SRGN: variants seen among roughly 807,000 people sequenced by gnomAD.
SRGN encodes the protein hematopoetic proteoglycan core peptide.
Under a neutral mutation model 9.5 loss-of-function variants are expected in SRGN, and 2 were observed. The observed-to-expected ratio is 0.21, with a 90% CI of 0.09 to 0.66. The LOEUF is 0.66. Ranked by LOEUF, SRGN falls within the 30% of genes least tolerant of loss-of-function variation. The probability of loss-of-function intolerance (pLI) is 0.83; values close to 1 mark genes in which losing one functional copy is unlikely to be tolerated. For missense variants in SRGN, 170 were observed against 192.4 expected, an observed-to-expected ratio of 0.88 and a Z score of 0.69; for synonymous variants, 59 against 72.3, an observed-to-expected ratio of 0.82 and a Z score of 0.93.
intron 2 of SRGN, among the ~76,000 whole-genome samples, chr10:69,100,171 G>A (rs921794409): frequency 2.0e-5 from 3 of 152,182 alleles, no homozygotes; most frequent in Admixed American, 1.3e-4. Flanking sequence ...AGACCTGCCT[G>A]GGTAACATGG....
chr10:69,088,291 A>T, intron 1 of SRGN, 55 bp downstream of exon 1: 1 of 1,402,908 alleles, frequency 7.1e-7, no homozygotes, highest in South Asian at 1.2e-5. Context: ...CCTGTGGTCC[A>T]TGCAAGTCAT....
At chr10:69,096,994 G>A (rs916627496) in intron 1 of SRGN, 90 bp from the exon 2 acceptor site, 5 of 1,343,794 alleles carry the variant, frequency 3.7e-6, no homozygotes, top group East Asian at 2.6e-5. Flanking sequence ...ACCCTGTCTC[G>A]AAAAAAAAAT....
Position 69,088,128 on chromosome 10 carries a change from T to C in SRGN, c.-30T>C, listed in dbSNP as rs760781266. The C allele has an allele frequency of 1.2e-6, 2 of 1,603,014 alleles. No homozygotes were observed. Among genetic ancestry groups the C allele is most frequent in the Admixed American group, 3.3e-5 (2 of 59,950 alleles). ...ACATTTCCTAATCAAGAAGTTGGCG[T>C]GCAGCTGGGAGAGCTAGACTAAGTT... On this transcript the variant is annotated 5_prime_UTR_variant, in exon 1 of 3. Transcript: ENST00000242465.
chr10:69,097,471 G>T (rs1840200662), intron 2 of SRGN, among the ~76,000 whole-genome samples: 1 of 135,430 alleles, frequency 7.4e-6, no homozygotes, highest in Admixed American at 8.5e-5. Context: ...CTGTCGCTCA[G>T]GCTGGAGTGC....
intron 1 of SRGN, among the ~76,000 whole-genome samples, chr10:69,096,537 T>A (rs1315925582): frequency 6.6e-6 from 1 of 152,224 alleles, no homozygotes; most frequent in Non-Finnish European, 1.5e-5. Flanking sequence ...CTATTCTAAC[T>A]TTAAACTGCT....
At chr10:69,088,507 A>G (rs141931146) in intron 1 of SRGN, among the ~76,000 whole-genome samples, 2 of 152,314 alleles carry the variant, frequency 1.3e-5, no homozygotes, top group African/African-American at 4.8e-5. Context: ...TATAAATTTT[A>G]AAAGCTCAAA....
chr10:69,102,560 A>G (rs1564663139), intron 2 of SRGN, among the ~76,000 whole-genome samples: 3 of 152,186 alleles, frequency 2.0e-5, no homozygotes, highest in Non-Finnish European at 4.4e-5. Context: ...TATTATTTTC[A>G]TGGAGGAAAT....
rs1007571054 is a variant in SRGN, at chr10:69,088,256, T to C, written c.79+20T>C. 1 of 1,599,626 alleles carries C rather than the reference T, an allele frequency of 6.3e-7. No homozygotes were observed. The highest frequency in any genetic ancestry group is 1.1e-5 in the South Asian group (1 of 90,772). On this transcript the variant is annotated intron_variant, in intron 1 of 2. Coordinates refer to ENST00000242465, the MANE Select transcript of SRGN (RefSeq NM_002727.4). ...TTCAAGGTAAGACTCAGGAGTCTTG[T>C]TCCCCAGCCATCTTCTCTGTAAGCC... is the stretch of plus-strand genomic sequence containing the variant.
At chr10:69,090,036 A>G (rs575965421) in intron 1 of SRGN, among the ~76,000 whole-genome samples, 1 of 152,336 alleles carries the variant, frequency 6.6e-6, no homozygotes, top group East Asian at 1.9e-4. Flanking sequence ...AAAGGAAACC[A>G]TAGAAAGAGA....
At chr10:69,094,406 A>G (rs1345963844) in intron 1 of SRGN, among the ~76,000 whole-genome samples, 1 of 152,178 alleles carries the variant, frequency 6.6e-6, no homozygotes, top group East Asian at 1.9e-4. Flanking sequence ...ATGTTTTTAG[A>G]GGAATATTGT....
At chr10:69,099,882 G>A (rs1321131989) in intron 2 of SRGN, among the ~76,000 whole-genome samples, 2 of 152,110 alleles carry the variant, frequency 1.3e-5, no homozygotes, top group African/African-American at 4.8e-5. Context: ...AGAATCACTT[G>A]AGGCCAAGAA....
rs775271280 is a variant in SRGN, at chr10:69,097,244, T to C, written c.227+13T>C. ...CTGACCTTTTTCCGTAAGTGGACTT[T>C]TCTCTAATTAATTAATTAATTACTT... On this transcript the variant is annotated intron_variant, in intron 2 of 2. Transcript: ENST00000242465. 4 of 1,598,526 alleles carry C rather than the reference T, an allele frequency of 2.5e-6. No homozygotes were observed. The highest frequency in any genetic ancestry group is 4.5e-5 in the East Asian group (2 of 44,736).
chr10:69,103,805 T>A, intron 2 of SRGN, 66 bp from the exon 3 acceptor site: 1 of 1,537,498 alleles, frequency 6.5e-7, no homozygotes, highest in Non-Finnish European at 8.8e-7. Flanking sequence ...AAAAAAACTA[T>A]TATAATTATC....
At chr10:69,103,790 A>C in intron 2 of SRGN, 81 bp from the exon 3 acceptor site, 1 of 1,450,122 alleles carries the variant, frequency 6.9e-7, no homozygotes, top group South Asian at 1.3e-5. Flanking sequence ...TTATCTCCTT[A>C]TATTAAAAAA....
At chr10:69,099,757 CA>C (rs1840252936) in intron 2 of SRGN, among the ~76,000 whole-genome samples, 1 of 152,186 alleles carries the variant, frequency 6.6e-6, no homozygotes, top group African/African-American at 2.4e-5. Context: ...TGTAATATTA[CA>C]GCATCCTTCA....
chr10:69,089,184 A>G (rs1589324553), intron 1 of SRGN, among the ~76,000 whole-genome samples: 1 of 152,376 alleles, frequency 6.6e-6, no homozygotes, highest in East Asian at 1.9e-4. Context: ...ATGAAATCTT[A>G]CAGATGATCG....
rs750463990 is a variant in SRGN at position 69,104,020 on chromosome 10, G to C, written c.377G>C (p.Ser126Thr). 1 of 1,614,224 alleles carries C rather than the reference G, an allele frequency of 6.2e-7. No individual in the cohort carries two copies. The highest frequency in any genetic ancestry group is 2.2e-5 in the East Asian group (1 of 44,884). The change falls in exon 3 of 3, where the codon AGT (serine) becomes ACT (threonine). Residue 126 changes from serine to threonine, a missense_variant. Coordinates refer to ENST00000242465, the MANE Select transcript of SRGN (RefSeq NM_002727.4). Reference sequence around the variant, plus strand: ...CAGGATTACCAACTAGTAGACGAAAGTGATGCTTTCCATGACAACCTTAGG... The same window carrying C: ...CAGGATTACCAACTAGTAGACGAAACTGATGCTTTCCATGACAACCTTAGG... ...MEQDYQLVDE[S>T]DAFHDNLRSL...
At chr10:69,088,028 G>A, upstream of SRGN, 1 of 703,020 alleles carries the variant, frequency 1.4e-6, no homozygotes, top group Non-Finnish European at 2.5e-6. Context: ...ATTTGTTCAG[G>A]AAATTGTGAC....
intron 2 of SRGN, 37 bp downstream of exon 2, chr10:69,097,268 T>C (rs2132157690): frequency 2.0e-6 from 3 of 1,532,226 alleles, no homozygotes; most frequent in South Asian, 1.1e-5. Flanking sequence ...AATTAATTAC[T>C]TATTTATTTG....
Sources: gnomAD v4.1 joint callset for allele counts (sites outside exome capture counted in the v4.1 genomes callset) on GRCh38, gnomAD v4.1.1 for gene constraint, MANE v1.5 for transcripts, NCBI Gene and HGNC (gene_info 2026-07-23, HGNC 2026-07-21) for gene names.